GTF2H2C: variants seen among roughly 807,000 people sequenced by gnomAD.
GTF2H2C encodes GTF2H2 family member C.
In GTF2H2C, 5 loss-of-function variants were observed where a neutral mutation model predicts 24.8. The ratio of observed to expected loss-of-function variants is 0.20; its 90% CI spans 0.11 to 0.42. The LOEUF (loss-of-function observed/expected upper bound fraction) is 0.42. Ranked by LOEUF, GTF2H2C falls within the 20% of genes least tolerant of loss-of-function variation. GTF2H2C has a pLI of 1.00. For missense variants in GTF2H2C, 45 were observed against 169.8 expected (o/e 0.27, Z 4.08); for synonymous variants, 14 against 52.6 (o/e 0.27, Z 3.18).
At position 69,565,186 on chromosome 5, in the gene GTF2H2C, A is replaced by C. The variant is rs1770673500; in HGVS notation, c.54A>C (p.Thr18=). Residue 18 remains threonine (T), a splice_region_variant and synonymous_variant, in exon 3 of 17, where the codon ACA becomes ACC. Coordinates refer to ENST00000380729, the MANE Select transcript of GTF2H2C (RefSeq NM_001376000.2). ...TKRWEGGYER[T]WEILKEDESG... ...GATGGGAAGGAGGCTATGAAAGAAC[A>C]TGGTAAGGAGAGCTTTATTGCCCTG... 4.1e-6 allele frequency: 3 copies of C among 732,064 alleles called. No individual in the cohort carries two copies. Among genetic ancestry groups the C allele is most frequent in the Non-Finnish European group, 6.5e-6 (3 of 459,838 alleles). 45.3% of individuals were successfully genotyped at this position (732,064 alleles called of 1,614,324 possible). A position where few individuals can be genotyped will look rare whatever the true frequency, so the allele number is the denominator to read the frequency against.
chr5:69,590,124 A>G (rs1344541219), intron 15 of GTF2H2C, among the ~76,000 whole-genome samples: 3 of 149,976 alleles, frequency 2.0e-5, no homozygotes, highest in African/African-American at 7.4e-5. Flanking sequence ...ACCTGAGGTG[A>G]TCCACCCGCC....
chr5:69,589,813 A>C (rs1199091934), intron 15 of GTF2H2C, among the ~76,000 whole-genome samples: 2 of 118,498 alleles, frequency 1.7e-5, no homozygotes, highest in Non-Finnish European at 3.4e-5. Flanking sequence ...ATAAAAACTA[A>C]ATTTTGGGCT....
chr5:69,573,379 T>G (rs902009395), intron 9 of GTF2H2C, among the ~76,000 whole-genome samples: 5 of 88,214 alleles, frequency 5.7e-5, no homozygotes, highest in African/African-American at 2.2e-4. Flanking sequence ...AGATGGGGTT[T>G]CATCATGTTA....
Position 69,572,451 on chromosome 5 carries a change from C to A in GTF2H2C, c.371C>A (p.Pro124Gln), listed in dbSNP as rs763448146. ...GACCTTATTTCTATTTTAGGAAACC[C>A]AAGAAAACATATAACGTCTTTGAAG... ...AEKLTELSGN[P>Q]RKHITSLKEA... Residue 124 changes from proline to glutamine, a missense_variant, in exon 9 of 17, where the codon CCA becomes CAA. By Grantham distance (76) the Pro-to-Gln change is moderately conservative (BLOSUM62 -1). Coordinates refer to ENST00000380729, the MANE Select transcript of GTF2H2C (RefSeq NM_001376000.2). The A allele has an allele frequency of 2.2e-5, 33 of 1,484,182 alleles. No homozygotes were observed. In the Middle Eastern group the frequency reaches 1.5e-3, roughly 66 times the overall value. The allele number at this position is 1,484,182 out of a possible 1,614,324, so 91.9% of individuals were successfully genotyped here.
rs1174187959 is a variant in GTF2H2C, at chr5:69,593,938, G to GAAAAAAAAAAAAAAAAAAA, written c.*1748_*1766dup. 9.6e-5 allele frequency among the ~76,000 whole-genome samples: 4 copies of GAAAAAAAAAAAAAAAAAAA among 41,768 alleles called. No individual in the cohort carries two copies. Among genetic ancestry groups the GAAAAAAAAAAAAAAAAAAA allele is most frequent in the African/African-American group, 4.2e-4 (4 of 9,470 alleles). The allele number at this position is 41,768 out of a possible 152,430, so 27.4% of individuals were successfully genotyped here. On this transcript the variant is annotated 3_prime_UTR_variant, in exon 17 of 17. Coordinates refer to ENST00000380729, the MANE Select transcript of GTF2H2C (RefSeq NM_001376000.2). ...GCGACAGAGCTAGACTCTGTCTCAA[G>GAAAAAAAAAAAAAAAAAAA]AAAAAAAAAAAAAAAAAAAAAAAAA...
chr5:69,589,562 C>T (rs1266635282), intron 15 of GTF2H2C, among the ~76,000 whole-genome samples: 1 of 16,956 alleles, frequency 5.9e-5, no homozygotes, highest in East Asian at 1.0e-3. Context: ...CCCAGGCATT[C>T]GAGACCAGCC....
intron 12 of GTF2H2C, 72 bp from the exon 13 acceptor site, chr5:69,582,292 CAT>C: frequency 2.1e-6 from 1 of 483,624 alleles, no homozygotes; most frequent in Non-Finnish European, 3.9e-6. Flanking sequence ...TTGAGAAGAA[CAT>C]TTTTAGGTTC....
intron 4 of GTF2H2C, 150 bp from the exon 5 acceptor site, chr5:69,566,439 A>G: frequency 1.5e-6 from 2 of 1,375,498 alleles, no homozygotes; most frequent in Non-Finnish European, 2.0e-6. Context: ...TAAGTTAATT[A>G]TTTACTCCAC....
At chr5:69,560,657 G>A (rs1177257963) in intron 1 of GTF2H2C, 1 of 149,518 alleles carries the variant, frequency 6.7e-6, no homozygotes, top group Admixed American at 6.7e-5. Context: ...TCATTTGTTG[G>A]CAGATAGCAT....
intron 15 of GTF2H2C, among the ~76,000 whole-genome samples, chr5:69,590,104 C>T (rs1284221342): frequency 6.6e-6 from 1 of 150,508 alleles, no homozygotes; most frequent in African/African-American, 2.4e-5. Context: ...AGGCTGGTCA[C>T]GAACTCCTGA....
chr5:69,565,034 A>T (rs936809312), intron 2 of GTF2H2C, 66 bp from the exon 3 acceptor site: 7 of 860,472 alleles, frequency 8.1e-6, no homozygotes, highest in Non-Finnish European at 1.3e-5. Context: ...TCTAATTTTC[A>T]AATTTAATTG....
chr5:69,566,398 C>T, intron 4 of GTF2H2C, 190 bp downstream of exon 4: 2 of 1,133,810 alleles, frequency 1.8e-6, no homozygotes, highest in Non-Finnish European at 2.5e-6. Context: ...AGACTGTCTA[C>T]AATACCTATA....
At chr5:69,580,474 C>A (rs1771509587) in intron 12 of GTF2H2C, among the ~76,000 whole-genome samples, 1 of 148,262 alleles carries the variant, frequency 6.7e-6, no homozygotes, top group Middle Eastern at 3.4e-3. Context: ...TGGCTCATGC[C>A]TGTAATCCTA....
intron 8 of GTF2H2C, chr5:69,569,699 T>A (rs1326153499): frequency 2.4e-5 from 2 of 82,824 alleles, no homozygotes; most frequent in African/African-American, 5.8e-5. Context: ...TTTTTTTTTT[T>A]TTGAGAAGGA....
intron 1 of GTF2H2C, among the ~76,000 whole-genome samples, chr5:69,561,155 C>T (rs1193589604): frequency 1.3e-5 from 2 of 151,980 alleles, no homozygotes; most frequent in Non-Finnish European, 2.9e-5. Context: ...CTTTAAACAG[C>T]ATGCATGTTT....
intron 9 of GTF2H2C, among the ~76,000 whole-genome samples, chr5:69,577,425 T>C (rs1042363027): frequency 2.8e-5 from 4 of 143,562 alleles, no homozygotes; most frequent in African/African-American, 1.1e-4. Flanking sequence ...CTTTTCTTTT[T>C]CTTTCTTTTT....
intron 1 of GTF2H2C, among the ~76,000 whole-genome samples, chr5:69,560,819 G>A (rs1430260027): frequency 6.6e-6 from 1 of 151,942 alleles, no homozygotes; most frequent in Non-Finnish European, 1.5e-5. Context: ...GTGCAGCGGC[G>A]CGATCTCGGC....
intron 1 of GTF2H2C, among the ~76,000 whole-genome samples, chr5:69,561,753 C>T (rs1770370852): frequency 6.6e-6 from 1 of 151,708 alleles, no homozygotes; most frequent in Non-Finnish European, 1.5e-5. Flanking sequence ...AAGCCATCCT[C>T]CCACTTTTGC....
intron 1 of GTF2H2C, among the ~76,000 whole-genome samples, chr5:69,560,946 CGG>C (rs1220913246): frequency 6.6e-6 from 1 of 151,846 alleles, no homozygotes; most frequent in Non-Finnish European, 1.5e-5. Flanking sequence ...TCAGTAGAGA[CGG>C]GGTTTCACCA....
Sources: allele counts gnomAD v4.1 joint callset (sites outside exome capture counted in the v4.1 genomes callset), GRCh38; gene constraint gnomAD v4.1.1; transcripts MANE v1.5; gene names NCBI Gene and HGNC (gene_info 2026-07-23, HGNC 2026-07-21).